Variants in TATDN2 observed in about 807,000 individuals in gnomAD.
The protein encoded by TATDN2 is TatD DNase domain containing 2, also known as 3'-5' RNA nuclease TATDN2.
In TATDN2, 44 loss-of-function variants were observed where a neutral mutation model predicts 60.3. That is an observed-to-expected ratio of 0.73 (90% confidence interval 0.57 to 0.94). TATDN2 has a LOEUF of 0.94. Among genes scored for constraint, TATDN2 ranks in the 40% least tolerant of loss-of-function variants. TATDN2 has a pLI of 0.00. For missense variants in TATDN2, 997 were observed against 948.0 expected, an observed-to-expected ratio of 1.05 and a Z score of -0.68; for synonymous variants, 399 against 355.8, an observed-to-expected ratio of 1.12 and a Z score of -1.37.
chr3:10,255,464 C>T (rs1332451140), intron 2 of TATDN2, among the ~76,000 whole-genome samples: 1 of 152,086 alleles, frequency 6.6e-6, no homozygotes, highest in Non-Finnish European at 1.5e-5. Flanking sequence ...TGTAGCACTT[C>T]TGTAAATTGT....
At chr3:10,252,070 C>T (rs987063437) in intron 2 of TATDN2, among the ~76,000 whole-genome samples, 6 of 150,878 alleles carry the variant, frequency 4.0e-5, no homozygotes, top group African/African-American at 1.5e-4. Context: ...ATGGCATGAA[C>T]CCAGGAGGCA....
chr3:10,254,791 C>T (rs1372601576), intron 2 of TATDN2, among the ~76,000 whole-genome samples: 2 of 152,114 alleles, frequency 1.3e-5, no homozygotes, highest in Non-Finnish European at 2.9e-5. Flanking sequence ...GTTCACCAAG[C>T]AGTGCTTCCA....
At chr3:10,253,092 C>G (rs768367649) in intron 2 of TATDN2, among the ~76,000 whole-genome samples, 3 of 152,040 alleles carry the variant, frequency 2.0e-5, no homozygotes, top group Non-Finnish European at 4.4e-5. Flanking sequence ...CTCTTGACCT[C>G]GTGATCCGCC....
chr3:10,278,584 G>T lies in TATDN2; in HGVS notation c.2145+122G>T. 1 of 1,332,838 alleles carries T rather than the reference G, an allele frequency of 7.5e-7. No individual in the cohort carries two copies. Among genetic ancestry groups the T allele is most frequent in the Non-Finnish European group, 1.1e-6 (1 of 934,428 alleles). 82.6% of individuals were successfully genotyped at this position (1,332,838 alleles called of 1,614,324 possible). A position where few individuals can be genotyped will look rare whatever the true frequency, so the allele number is the denominator to read the frequency against. ...ACTTCCAGGTCCCATCCTGGGCTGTGTAGATGCCTCCTTGCTGTTACTCTG... is the reference window on the plus strand; with the variant it reads ...ACTTCCAGGTCCCATCCTGGGCTGTTTAGATGCCTCCTTGCTGTTACTCTG... On this transcript the variant is annotated intron_variant, in intron 6 of 7. Transcript: ENST00000448281. This position sits in a 1 kb window ranked among gnomAD's most constrained non-coding sequence, Gnocchi z 4.7.
chr3:10,276,305 G>T, intron 4 of TATDN2, 56 bp from the exon 5 acceptor site: 1 of 1,601,498 alleles, frequency 6.2e-7, no homozygotes. Flanking sequence ...TTCCAGAGGT[G>T]ATGGACTTCT....
rs183543543 is a variant in TATDN2, at chr3:10,275,225, C to T, written c.1834-1136C>T. On this transcript the variant is annotated intron_variant, in intron 4 of 7. Transcript: ENST00000448281. The stretch of plus-strand genomic sequence containing the variant: ...TGTCTTGAACACCTGACCTCAAACC[C>T]GACTTGGCCTCCCAAAGTGCTGGGA... Among the ~76,000 whole-genome samples, 61 of 152,140 alleles carry T rather than the reference C, an allele frequency of 4.0e-4. 1 individual carries two copies. The highest frequency in any genetic ancestry group is 3.4e-3 in the Middle Eastern group (1 of 292).
chr3:10,249,258 C>T lies in TATDN2; in HGVS notation c.58C>T (p.Pro20Ser). The change falls in exon 2 of 8, where the codon CCC becomes TCC. Residue 20 changes from proline to serine, a missense_variant. Coordinates refer to ENST00000448281, the MANE Select transcript of TATDN2 (RefSeq NM_014760.4). Reference protein sequence around the residue: ...HNWSSTSEGCPRKRSCLREPC... With the variant: ...HNWSSTSEGCSRKRSCLREPC... Reference sequence around the variant, plus strand: ...CTGGAGCAGCACGTCGGAAGGGTGTCCCCGCAAGCGCAGCTGCCTCCGGGA... The same window carrying T: ...CTGGAGCAGCACGTCGGAAGGGTGTTCCCGCAAGCGCAGCTGCCTCCGGGA... 2 of 1,571,314 alleles carry T rather than the reference C, an allele frequency of 1.3e-6. No homozygotes were observed. The highest frequency in any genetic ancestry group is 1.7e-6 in the Non-Finnish European group (2 of 1,157,376).
chr3:10,261,943 C>A (rs1402469406), intron 3 of TATDN2, among the ~76,000 whole-genome samples: 4 of 152,162 alleles, frequency 2.6e-5, no homozygotes, highest in African/African-American at 9.7e-5. Context: ...TGGGTTAAGT[C>A]TGTGTAAGAT....
chr3:10,270,565 G>T lies in TATDN2; in HGVS notation c.1383G>T (p.Glu461Asp). The change falls in exon 4 of 8, where the codon GAG (glutamate) becomes GAT (aspartate). Residue 461 changes from glutamate to aspartate, a missense_variant. By Grantham distance (45) the Glu-to-Asp change is conservative. Coordinates refer to ENST00000448281, the MANE Select transcript of TATDN2 (RefSeq NM_014760.4). ...SRSSEEREVKEKRTFQEEMPP... is the reference protein window; with the variant it reads ...SRSSEEREVKDKRTFQEEMPP... ...GCTCAGAAGAAAGAGAGGTGAAGGA[G>T]AAAAGAACATTCCAAGAGGAGATGC... is the stretch of plus-strand genomic sequence containing the variant. The T allele has an allele frequency of 6.2e-7, 1 of 1,614,218 alleles. No individual in the cohort carries two copies. The highest frequency in any genetic ancestry group is 8.5e-7 in the Non-Finnish European group (1 of 1,180,044).
intron 3 of TATDN2, among the ~76,000 whole-genome samples, chr3:10,265,533 T>A (rs1420632405): frequency 6.6e-6 from 1 of 150,492 alleles, no homozygotes; most frequent in African/African-American, 2.4e-5. Flanking sequence ...TCCAAAAAAA[T>A]TAGCCAGGTA....
intron 4 of TATDN2, among the ~76,000 whole-genome samples, chr3:10,273,959 G>A (rs1698600711): frequency 1.3e-5 from 2 of 152,190 alleles, no homozygotes; most frequent in Admixed American, 6.5e-5. Flanking sequence ...TTGTGTTAAA[G>A]AGGAATTAAT....
chr3:10,259,120 T>C (rs1284809195), intron 2 of TATDN2, among the ~76,000 whole-genome samples: 1 of 152,064 alleles, frequency 6.6e-6, no homozygotes, highest in Admixed American at 6.5e-5. Context: ...GATCTTCCTG[T>C]CTTGGCCTCC....
Position 10,278,682 on chromosome 3 carries a change from C to A in TATDN2, c.2146-203C>A, listed in dbSNP as rs1337600039. ...CTTCCAGGCAGTGCAAAGCCCTACC[C>A]TGTAGAGGGTAGTCCAAGGAAGCGT... On this transcript the variant is annotated intron_variant, in intron 6 of 7. Transcript: ENST00000448281. The surrounding 1 kb of genome is among the most constrained non-coding windows in gnomAD (Gnocchi z 4.7). 1.0e-6 allele frequency: 1 copy of A among 981,310 alleles called. No individual in the cohort carries two copies. Among genetic ancestry groups the A allele is most frequent in the African/African-American group, 1.6e-5 (1 of 62,434 alleles). 60.8% of individuals were successfully genotyped at this position (981,310 alleles called of 1,614,324 possible). A position where few individuals can be genotyped will look rare whatever the true frequency, so the allele number is the denominator to read the frequency against.
At chr3:10,261,535 A>C (rs1698403142) in intron 3 of TATDN2, among the ~76,000 whole-genome samples, 1 of 151,780 alleles carries the variant, frequency 6.6e-6, no homozygotes, top group South Asian at 2.1e-4. Flanking sequence ...CAAACCGGCT[A>C]ATTTTTGTAT....
intron 2 of TATDN2, among the ~76,000 whole-genome samples, chr3:10,256,567 T>C (rs1698311860): frequency 6.6e-6 from 1 of 151,966 alleles, no homozygotes; most frequent in Admixed American, 6.6e-5. Context: ...TGCTTAATGG[T>C]TGAAAAGTGC....
Position 10,248,945 on chromosome 3 carries a change from GT to G in TATDN2, c.-127del. On this transcript the variant is annotated 5_prime_UTR_variant, in exon 1 of 8. Transcript: ENST00000448281. ...GAAGGCTTCCTGATCTCAGAAGCAC[GT>G]TGTGGGCTTGGAAACCGACGGCAGC... 1 of 409,934 alleles carries G rather than the reference GT, an allele frequency of 2.4e-6. No homozygotes were observed. Among genetic ancestry groups the G allele is most frequent in the Non-Finnish European group, 4.3e-6 (1 of 234,724 alleles). The allele number at this position is 409,934 out of a possible 1,614,324, so 25.4% of individuals were successfully genotyped here.
chr3:10,265,488 T>TG (rs1471460093), intron 3 of TATDN2, among the ~76,000 whole-genome samples: 7 of 151,292 alleles, frequency 4.6e-5, no homozygotes, highest in African/African-American at 1.7e-4. Flanking sequence ...GAGACCATCC[T>TG]GGCTAACACG....
intron 2 of TATDN2, among the ~76,000 whole-genome samples, chr3:10,256,386 G>T (rs1317409596): frequency 6.6e-6 from 1 of 151,826 alleles, no homozygotes; most frequent in African/African-American, 2.4e-5. Flanking sequence ...ATGTTGCCCA[G>T]ACTGGTCTTG....
In TATDN2 at chr3:10,278,176, T is replaced by G. The variant is rs2125182511; in HGVS notation, c.1962-103T>G. 7.4e-7 allele frequency: 1 copy of G among 1,359,654 alleles called. No homozygotes were observed. The highest frequency in any genetic ancestry group is 2.3e-5 in the East Asian group (1 of 43,136). The allele number at this position is 1,359,654 out of a possible 1,614,324, so 84.2% of individuals were successfully genotyped here. Reference sequence around the variant, plus strand: ...GAGTCCTTCCCTAGGATGCAGTCTTTCCATTTCTGGGAATCATTGAAAAGG... The same window carrying G: ...GAGTCCTTCCCTAGGATGCAGTCTTGCCATTTCTGGGAATCATTGAAAAGG... On this transcript the variant is annotated intron_variant, in intron 5 of 7. Coordinates refer to ENST00000448281, the MANE Select transcript of TATDN2 (RefSeq NM_014760.4). This position sits in a 1 kb window ranked among gnomAD's most constrained non-coding sequence, Gnocchi z 4.7.
Sources: gnomAD v4.1 joint callset for allele counts (sites outside exome capture counted in the v4.1 genomes callset) on GRCh38, gnomAD v4.1.1 for gene constraint, Gnocchi (gnomAD v3.1) non-coding constraint, MANE v1.5 for transcripts, NCBI Gene and HGNC (gene_info 2026-07-23, HGNC 2026-07-21) for gene names.